SLC24A2: variants seen among roughly 807,000 people sequenced by gnomAD.
SLC24A2 encodes sodium/potassium/calcium exchanger 2.
In SLC24A2, 36 loss-of-function variants were observed where a neutral mutation model predicts 62.0. The observed-to-expected ratio is 0.58, with a 90% CI of 0.44 to 0.77. The LOEUF is 0.77. SLC24A2 is among the 30% of genes least tolerant of loss of function. The pLI, the probability that SLC24A2 is intolerant of heterozygous loss-of-function variation, is 0.00. For synonymous variants in SLC24A2, 358 were observed against 294.0 expected (o/e 1.22, Z -2.23); for missense variants, 846 against 817.9 (o/e 1.03, Z -0.42).
In SLC24A2 at chr9:19,695,058, C is replaced by T. The variant is rs1005089322; in HGVS notation, c.931-72759G>A. The stretch of plus-strand genomic sequence containing the variant: ...CAGCCATATATTTATCCTAGAGCAG[C>T]AGTTCTAACTGGAATGGGGCGGGGG... On this transcript the variant is annotated intron_variant, in intron 2 of 10. Coordinates refer to ENST00000341998, the MANE Select transcript of SLC24A2 (RefSeq NM_020344.4). Among the ~76,000 whole-genome samples the T allele has an allele frequency of 1.6e-4, 21 of 131,892 alleles. 1 individual carries two copies. The highest frequency in any genetic ancestry group is 5.1e-4 in the African/African-American group (19 of 36,898). The allele number at this position is 131,892 out of a possible 152,430, so 86.5% of individuals were successfully genotyped here. A position where few individuals can be genotyped will look rare whatever the true frequency, so the allele number is the denominator to read the frequency against.
chr9:20,194,623 GTA>G, the SLC24A2 span, among the ~76,000 whole-genome samples: 4 of 152,026 alleles, frequency 2.6e-5, no homozygotes, highest in Admixed American at 2.0e-4. Flanking sequence ...GAACTCCTTT[GTA>G]TAGCCCATTT....
the SLC24A2 span, among the ~76,000 whole-genome samples, chr9:20,277,343 A>C: frequency 1.3e-5 from 2 of 151,776 alleles, no homozygotes; most frequent in African/African-American, 4.9e-5. Context: ...CCATCTGACA[A>C]AGGGCTAATA....
intron 2 of SLC24A2, among the ~76,000 whole-genome samples, chr9:19,714,692 A>T (rs977891188): frequency 6.6e-6 from 1 of 152,228 alleles, no homozygotes; most frequent in Non-Finnish European, 1.5e-5. Flanking sequence ...ACATATATAG[A>T]GTAAAATGGT....
chr9:20,258,157 C>T, the SLC24A2 span, among the ~76,000 whole-genome samples: 1 of 152,210 alleles, frequency 6.6e-6, no homozygotes, highest in African/African-American at 2.4e-5. Context: ...TGATATGTTA[C>T]ATCACATGGG....
the SLC24A2 span, among the ~76,000 whole-genome samples, chr9:20,246,806 G>T: frequency 6.6e-6 from 1 of 152,196 alleles, no homozygotes; most frequent in Non-Finnish European, 1.5e-5. Context: ...CCCAGATGTA[G>T]CCTGACAGGA....
At chr9:19,971,086 C>A in the SLC24A2 span, among the ~76,000 whole-genome samples, 1 of 152,156 alleles carries the variant, frequency 6.6e-6, no homozygotes, top group Non-Finnish European at 1.5e-5. Context: ...TGGGTTTCCA[C>A]TTGTTCTTGT....
the SLC24A2 span, among the ~76,000 whole-genome samples, chr9:19,972,668 A>G: frequency 6.6e-6 from 1 of 152,192 alleles, no homozygotes; most frequent in African/African-American, 2.4e-5. Flanking sequence ...TAAAAAAATG[A>G]GTGCATATCT....
At chr9:19,782,122 T>G (rs1189903510) in intron 2 of SLC24A2, among the ~76,000 whole-genome samples, 1 of 152,166 alleles carries the variant, frequency 6.6e-6, no homozygotes, top group Non-Finnish European at 1.5e-5. Flanking sequence ...TGCTGTCAGA[T>G]TACAGTGCCA....
the SLC24A2 span, among the ~76,000 whole-genome samples, chr9:20,028,853 T>A: frequency 1.3e-5 from 2 of 152,220 alleles, no homozygotes; most frequent in African/African-American, 4.8e-5. Context: ...CTCATTCTCT[T>A]TAAACAACCT....
chr9:19,701,760 T>C (rs1300844228), intron 2 of SLC24A2, among the ~76,000 whole-genome samples: 1 of 152,192 alleles, frequency 6.6e-6, no homozygotes, highest in Non-Finnish European at 1.5e-5. Context: ...GACAGGAGAA[T>C]GTGCTGGTGA....
chr9:20,013,734 G>A, the SLC24A2 span, among the ~76,000 whole-genome samples: 1 of 152,160 alleles, frequency 6.6e-6, no homozygotes, highest in Non-Finnish European at 1.5e-5. Context: ...CAACTGTGTA[G>A]TAAGAAAATA....
At chr9:19,606,256 G>A (rs1005599854) in intron 4 of SLC24A2, among the ~76,000 whole-genome samples, 1 of 152,114 alleles carries the variant, frequency 6.6e-6, no homozygotes. Flanking sequence ...AATGGCAGAG[G>A]AGAATTTTCA....
At chr9:20,289,529 C>G in the SLC24A2 span, among the ~76,000 whole-genome samples, 2 of 152,206 alleles carry the variant, frequency 1.3e-5, no homozygotes, top group South Asian at 2.1e-4. Flanking sequence ...CTCTGAGTCT[C>G]GGTTCTCTCA....
chr9:19,908,844 G>A, the SLC24A2 span, among the ~76,000 whole-genome samples: 1 of 152,170 alleles, frequency 6.6e-6, no homozygotes, highest in South Asian at 2.1e-4. Context: ...AGGTGCTGGA[G>A]AGGCTGTGGA....
chr9:20,009,937 T>C, the SLC24A2 span, among the ~76,000 whole-genome samples: 1 of 152,070 alleles, frequency 6.6e-6, no homozygotes, highest in Non-Finnish European at 1.5e-5. Flanking sequence ...GAGACCTCAC[T>C]CAACCTTGGA....
chr9:19,652,291 T>A (rs1444037502), intron 2 of SLC24A2, among the ~76,000 whole-genome samples: 1 of 152,166 alleles, frequency 6.6e-6, no homozygotes, highest in Non-Finnish European at 1.5e-5. Flanking sequence ...CAAAGATGTC[T>A]GTGTCCTGTC....
chr9:19,878,078 G>C, the SLC24A2 span, among the ~76,000 whole-genome samples: 1 of 152,084 alleles, frequency 6.6e-6, no homozygotes, highest in South Asian at 2.1e-4. Context: ...TTTTGGGCTC[G>C]ATAGATCCAG....
chr9:19,971,076 T>C, the SLC24A2 span, among the ~76,000 whole-genome samples: 493 of 152,346 alleles, frequency 3.2e-3, 8 homozygotes, highest in Admixed American at 0.023. Context: ...AAAGCACTTA[T>C]GGGTTTCCAC....
the SLC24A2 span, among the ~76,000 whole-genome samples, chr9:20,138,161 T>C: frequency 3.9e-5 from 6 of 152,182 alleles, no homozygotes; most frequent in East Asian, 7.7e-4. Context: ...CCTTTGGATA[T>C]GAATAGCTAA....
Sources: allele counts gnomAD v4.1 joint callset (sites outside exome capture counted in the v4.1 genomes callset), GRCh38; gene constraint gnomAD v4.1.1; transcripts MANE v1.5; gene names NCBI Gene and HGNC (gene_info 2026-07-23, HGNC 2026-07-21).